The following CTCF variants were observed in gnomAD, a reference collection of about 807,000 sequenced individuals.
CTCF encodes transcriptional repressor CTCF.
A neutral mutation model predicts 72.3 loss-of-function variants in CTCF; 7 were observed. That is an observed-to-expected ratio of 0.10 (90% CI 0.06 to 0.18). The LOEUF (loss-of-function observed/expected upper bound fraction) is 0.18, where lower values mean the gene tolerates loss of function less well. CTCF is among the 10% of genes least tolerant of loss of function. The probability of loss-of-function intolerance (pLI) is 1.00; values close to 1 mark genes in which losing one functional copy is unlikely to be tolerated. For synonymous variants in CTCF, 374 were observed against 315.8 expected (o/e 1.18, Z -1.95); for missense variants, 516 against 949.1 (o/e 0.54, Z 6.00).
chr16:67,576,884 G>A (rs1027343334), intron 2 of CTCF, among the ~76,000 whole-genome samples: 12 of 152,098 alleles, frequency 7.9e-5, no homozygotes, highest in African/African-American at 2.9e-4. Context: ...GAAATGGCAA[G>A]ATATTTGAAA....
At chr16:67,589,139 TAATAA>T (rs927019603) in intron 2 of CTCF, among the ~76,000 whole-genome samples, 10 of 151,926 alleles carry the variant, frequency 6.6e-5, no homozygotes, top group Middle Eastern at 6.8e-3. Flanking sequence ...AAAATAATAA[TAATAA>T]AATAGTAGGG....
At chr16:67,606,021 T>C (rs574311410) in intron 2 of CTCF, among the ~76,000 whole-genome samples, 10 of 152,174 alleles carry the variant, frequency 6.6e-5, no homozygotes, top group African/African-American at 2.4e-4. Context: ...AAATTAAGTC[T>C]TCTTCTTTGT....
intron 2 of CTCF, among the ~76,000 whole-genome samples, chr16:67,601,528 G>A (rs559070023): frequency 6.6e-6 from 1 of 151,892 alleles, no homozygotes; most frequent in East Asian, 1.9e-4. Flanking sequence ...ATTTCTAGTC[G>A]AGATGGGGTT....
At chr16:67,628,633 T>G in intron 9 of CTCF, 81 bp downstream of exon 9, 2 of 1,390,732 alleles carry the variant, frequency 1.4e-6, no homozygotes, top group Non-Finnish European at 2.0e-6. Context: ...ATGGTAGTTT[T>G]TTTCACTGAG....
chr16:67,629,291 G>T, intron 9 of CTCF, 107 bp from the exon 10 acceptor site: 1 of 1,053,480 alleles, frequency 9.5e-7, no homozygotes, highest in East Asian at 2.5e-5. Context: ...ACACTTAGCA[G>T]ATACTAGAAT....
intron 2 of CTCF, among the ~76,000 whole-genome samples, chr16:67,595,195 T>C (rs2051795212): frequency 6.6e-6 from 1 of 152,186 alleles, no homozygotes; most frequent in Non-Finnish European, 1.5e-5. Context: ...TGCAAAGCTG[T>C]TCTGTCTCTT....
chr16:67,589,431 T>G (rs35960937), intron 2 of CTCF, among the ~76,000 whole-genome samples: 4,205 of 152,334 alleles, frequency 0.028, 92 homozygotes, highest in Non-Finnish European at 0.04. Flanking sequence ...ACCGTTCACC[T>G]GTTCTGTAGT....
At chr16:67,570,393 T>C (rs1221852858) in intron 1 of CTCF, among the ~76,000 whole-genome samples, 3 of 150,896 alleles carry the variant, frequency 2.0e-5, no homozygotes, top group African/African-American at 7.3e-5. Context: ...AATTAATTTT[T>C]TGGTAGTTTG....
chr16:67,604,692 G>T (rs2051945635), intron 2 of CTCF, among the ~76,000 whole-genome samples: 1 of 147,010 alleles, frequency 6.8e-6, no homozygotes. Context: ...GACATACCAG[G>T]TTAAGTAAAA....
At chr16:67,581,381 G>T in intron 2 of CTCF, among the ~76,000 whole-genome samples, 1 of 150,998 alleles carries the variant, frequency 6.6e-6, no homozygotes, top group Non-Finnish European at 1.5e-5. Context: ...GGAGTGCAGT[G>T]GCATGATCTA....
intron 1 of CTCF, among the ~76,000 whole-genome samples, chr16:67,562,931 G>A (rs1000846028): frequency 9.4e-5 from 1 of 10,670 alleles, no homozygotes; most frequent in Non-Finnish European, 2.4e-4. Context: ...ACGCCCGCCC[G>A]CCCGCCCGCC....
chr16:67,568,385 TTTG>T (rs1028144740), intron 1 of CTCF: 2 of 149,660 alleles, frequency 1.3e-5, no homozygotes, highest in South Asian at 2.1e-4. Flanking sequence ...TGGCCTTTTT[TTTG>T]TTGTTGTTCT....
At chr16:67,569,682 G>C (rs2051386688) in intron 1 of CTCF, among the ~76,000 whole-genome samples, 1 of 151,440 alleles carries the variant, frequency 6.6e-6, no homozygotes, top group South Asian at 2.1e-4. Context: ...CCTTTTGCCA[G>C]TTATCTTTTT....
At chr16:67,620,634 T>C in intron 5 of CTCF, 63 bp from the exon 6 acceptor site, 2 of 1,400,254 alleles carry the variant, frequency 1.4e-6, no homozygotes, top group Non-Finnish European at 1.9e-6. Context: ...GTGCCTAACC[T>C]ACTGTGCTCT....
intron 2 of CTCF, among the ~76,000 whole-genome samples, chr16:67,580,720 C>G (rs1462101072): frequency 2.0e-5 from 3 of 150,528 alleles, no homozygotes; most frequent in African/African-American, 7.3e-5. Flanking sequence ...CACCACCACA[C>G]TCGGCTAATT....
intron 10 of CTCF, among the ~76,000 whole-genome samples, chr16:67,632,629 C>T (rs895499798): frequency 3.9e-5 from 5 of 126,868 alleles, no homozygotes; most frequent in African/African-American, 1.5e-4. Flanking sequence ...GCCTTTGATC[C>T]TGTTAGCCTG....
At chr16:67,580,518 A>T (rs1041865649) in intron 2 of CTCF, among the ~76,000 whole-genome samples, 6 of 151,450 alleles carry the variant, frequency 4.0e-5, no homozygotes, top group African/African-American at 1.5e-4. Flanking sequence ...TTTTTTAATT[A>T]TTTATGTATT....
chr16:67,617,307 G>A (rs2052144532), intron 5 of CTCF, among the ~76,000 whole-genome samples: 1 of 152,106 alleles, frequency 6.6e-6, no homozygotes, highest in South Asian at 2.1e-4. Context: ...AGACCATCCT[G>A]GCTAAAACGG....
intron 2 of CTCF, among the ~76,000 whole-genome samples, chr16:67,584,916 A>G (rs2051648539): frequency 6.6e-6 from 1 of 152,152 alleles, no homozygotes; most frequent in African/African-American, 2.4e-5. Context: ...TTCTGTAGCT[A>G]ATTATTTTAT....
Sources: gnomAD v4.1 joint callset for allele counts (sites outside exome capture counted in the v4.1 genomes callset) on GRCh38, gnomAD v4.1.1 for gene constraint, MANE v1.5 for transcripts, NCBI Gene and HGNC (gene_info 2026-07-23, HGNC 2026-07-21) for gene names.